DIS3L2: variants seen among roughly 807,000 people sequenced by gnomAD.
DIS3L2 encodes the protein DIS3-like exonuclease 2.
A neutral mutation model predicts 97.5 loss-of-function variants in DIS3L2; 34 were observed. The ratio of observed to expected loss-of-function variants is 0.35; its 90% CI spans 0.27 to 0.46. The LOEUF is 0.46. DIS3L2 is among the 20% of genes least tolerant of loss of function. The probability of loss-of-function intolerance (pLI) is 1.00; values close to 1 mark genes in which losing one functional copy is unlikely to be tolerated. For synonymous variants in DIS3L2, 435 were observed against 445.2 expected (o/e 0.98, Z 0.29); for missense variants, 1,038 against 1,146.0 (o/e 0.91, Z 1.36).
chr2:232,255,960 TA>T (rs1408429666), intron 12 of DIS3L2, among the ~76,000 whole-genome samples: 5 of 152,214 alleles, frequency 3.3e-5, no homozygotes, highest in Admixed American at 6.5e-5. Context: ...CTACCGGCAC[TA>T]ATACCTGCGT....
intron 14 of DIS3L2, among the ~76,000 whole-genome samples, chr2:232,315,806 T>C (rs1695256220): frequency 6.6e-6 from 1 of 152,134 alleles, no homozygotes. Flanking sequence ...CAAGAGGAAG[T>C]GGCCAACTTC....
At chr2:232,020,149 C>A (rs1380687919) in intron 3 of DIS3L2, among the ~76,000 whole-genome samples, 1 of 152,106 alleles carries the variant, frequency 6.6e-6, no homozygotes, top group African/African-American at 2.4e-5. Flanking sequence ...AGTTAGGCAG[C>A]AGCCAAGTCA....
Position 232,148,754 on chromosome 2 carries a change from T to C in DIS3L2, c.950+12035T>C, listed in dbSNP as rs1401763501. ...TTTCTCCTTAATTTTCTTTCTTTTT[T>C]TTTTTTTTTTTTTTTTTTACACAGC... On this transcript the variant is annotated intron_variant, in intron 8 of 20. Coordinates refer to ENST00000325385, the MANE Select transcript of DIS3L2 (RefSeq NM_152383.5). Among the ~76,000 whole-genome samples, 38 of 137,702 alleles carry C rather than the reference T, an allele frequency of 2.8e-4. No individual in the cohort carries two copies. In the South Asian group the frequency reaches 4.2e-3, roughly 15 times the overall value. 90.3% of individuals were successfully genotyped at this position (137,702 alleles called of 152,430 possible).
chr2:232,321,270 G>A (rs1251528856), intron 14 of DIS3L2, among the ~76,000 whole-genome samples: 4 of 152,212 alleles, frequency 2.6e-5, no homozygotes, highest in Admixed American at 1.3e-4. Context: ...AGACCTGGGC[G>A]AGGGACTGAC....
At chr2:232,299,038 T>C (rs1694792727) in intron 13 of DIS3L2, among the ~76,000 whole-genome samples, 1 of 152,222 alleles carries the variant, frequency 6.6e-6, no homozygotes, top group African/African-American at 2.4e-5. Context: ...TCAGTCTTTC[T>C]CTCAGCAGTG....
chr2:232,087,742 TTAC>T (rs763376337), intron 6 of DIS3L2, 21 bp downstream of exon 6: 313 of 1,580,956 alleles, frequency 2.0e-4, no homozygotes, highest in Non-Finnish European at 2.6e-4. Context: ...GACTATTGTC[TTAC>T]TTTTTTTTTA....
At chr2:232,048,759 G>A (rs1373649143) in intron 5 of DIS3L2, among the ~76,000 whole-genome samples, 2 of 151,880 alleles carry the variant, frequency 1.3e-5, no homozygotes, top group African/African-American at 4.8e-5. Flanking sequence ...GTATATGCCC[G>A]AAATATGTTT....
At chr2:232,128,164 C>T (rs1698119327) in intron 6 of DIS3L2, among the ~76,000 whole-genome samples, 1 of 152,010 alleles carries the variant, frequency 6.6e-6, no homozygotes, top group Non-Finnish European at 1.5e-5. Context: ...CCATGTTGCC[C>T]AGGCTGATCT....
chr2:232,181,931 C>T lies in DIS3L2; in HGVS notation c.1124+18299C>T, dbSNP rs908159598. Among the ~76,000 whole-genome samples the T allele has an allele frequency of 5.3e-5, 8 of 152,094 alleles. No individual in the cohort carries two copies. The East Asian group carries it at 5.8e-4, about 11-fold the overall frequency. ...CCTCCCAAAGTGCTGGGATTACAGG[C>T]GTGAGCCACCGTGCCCGGGCGCCTG... On this transcript the variant is annotated intron_variant, in intron 9 of 20. Coordinates refer to ENST00000325385, the MANE Select transcript of DIS3L2 (RefSeq NM_152383.5).
At chr2:232,230,405 C>T (rs2106243462) in intron 10 of DIS3L2, among the ~76,000 whole-genome samples, 1 of 152,324 alleles carries the variant, frequency 6.6e-6, no homozygotes, top group East Asian at 1.9e-4. Context: ...CGCTCAGCCC[C>T]CTTGGTTGGA....
At chr2:232,335,963 C>T in intron 20 of DIS3L2, 89 bp downstream of exon 20, 2 of 1,541,216 alleles carry the variant, frequency 1.3e-6, no homozygotes, top group Non-Finnish European at 8.8e-7. Context: ...ATCTGTGTCC[C>T]CTGGGCTCCC....
rs376383817 is a variant in DIS3L2 at position 232,065,919 on chromosome 2, TATG to T, written c.367-21565_367-21563del. Among the ~76,000 whole-genome samples, 424 of 152,076 alleles carry T rather than the reference TATG, an allele frequency of 2.8e-3. 1 individual carries two copies. The highest frequency in any genetic ancestry group is 4.6e-3 in the Non-Finnish European group (314 of 67,834). ...ACTAAATCATTCATGTTTTTGATAC[TATG>T]ATAATTGAAATTATCCCCTTAATTT... On this transcript the variant is annotated intron_variant, in intron 5 of 20. Coordinates refer to ENST00000325385, the MANE Select transcript of DIS3L2 (RefSeq NM_152383.5).
At chr2:232,343,292 C>T in intron 13 of DIS3L2, 1 of 1,489,418 alleles carries the variant, frequency 6.7e-7, no homozygotes. Flanking sequence ...TTGCAAAGGC[C>T]TAGCCACATG....
intron 5 of DIS3L2, among the ~76,000 whole-genome samples, chr2:232,060,413 A>G (rs375637096): frequency 2.0e-5 from 3 of 152,100 alleles, no homozygotes; most frequent in African/African-American, 7.2e-5. Flanking sequence ...ATTTTTGTAT[A>G]TGGCAAAAGA....
chr2:232,322,579 G>A (rs1235841421), intron 14 of DIS3L2, among the ~76,000 whole-genome samples: 3 of 152,248 alleles, frequency 2.0e-5, no homozygotes, highest in Non-Finnish European at 4.4e-5. Flanking sequence ...TGTGGCTGGG[G>A]TGGTGGCCCT....
intron 6 of DIS3L2, among the ~76,000 whole-genome samples, chr2:232,115,602 C>G (rs915559114): frequency 3.9e-5 from 6 of 152,036 alleles, no homozygotes; most frequent in South Asian, 2.1e-4. Flanking sequence ...TGCCATGTGT[C>G]GAGGGAGGGA....
At chr2:232,264,979 G>A (rs1452490475) in intron 13 of DIS3L2, among the ~76,000 whole-genome samples, 1 of 152,228 alleles carries the variant, frequency 6.6e-6, no homozygotes, top group Admixed American at 6.5e-5. Flanking sequence ...AGGCAGAGCG[G>A]ATGCTGAAGA....
At chr2:232,313,729 C>T (rs1487101028) in intron 14 of DIS3L2, among the ~76,000 whole-genome samples, 1 of 152,196 alleles carries the variant, frequency 6.6e-6, no homozygotes, top group East Asian at 1.9e-4. Context: ...AAAGACATAC[C>T]TGAGACTGGG....
chr2:232,061,609 C>T (rs970626152), intron 5 of DIS3L2, among the ~76,000 whole-genome samples: 3 of 152,090 alleles, frequency 2.0e-5, no homozygotes, highest in Non-Finnish European at 2.9e-5. Context: ...AGCAGATTGC[C>T]TCCAGGATAA....
Sources: allele counts gnomAD v4.1 joint callset (sites outside exome capture counted in the v4.1 genomes callset), GRCh38; gene constraint gnomAD v4.1.1; transcripts MANE v1.5; gene names NCBI Gene and HGNC (gene_info 2026-07-23, HGNC 2026-07-21).